PTCHD4: variants seen among roughly 807,000 people sequenced by gnomAD.
PTCHD4 encodes the protein patched domain-containing protein 4.
A neutral mutation model predicts 58.1 loss-of-function variants in PTCHD4; 33 were observed. The observed-to-expected ratio is 0.57, with a 90% CI of 0.43 to 0.76. PTCHD4 has a LOEUF of 0.76. Ranked by LOEUF, PTCHD4 falls within the 30% of genes least tolerant of loss-of-function variation. PTCHD4 has a pLI of 0.00. For synonymous variants in PTCHD4, 478 were observed against 409.6 expected, an observed-to-expected ratio of 1.17 and a Z score of -2.02; for missense variants, 1,058 against 1,027.1, an observed-to-expected ratio of 1.03 and a Z score of -0.41.
Position 47,878,258 on chromosome 6 carries a change from T to C in PTCHD4, c.*45A>G, listed in dbSNP as rs776922114. On this transcript the variant is annotated 3_prime_UTR_variant, in exon 5 of 5. Coordinates refer to ENST00000339488, the MANE Select transcript of PTCHD4 (RefSeq NM_001384253.1). ...TCTGAGCTTTACTTGCCCTGCATCA[T>C]TGTGCAATACTGGAAAAGAAAAATA... 1 of 1,503,498 alleles carries C rather than the reference T, an allele frequency of 6.7e-7. No individual in the cohort carries two copies. Among genetic ancestry groups the C allele is most frequent in the East Asian group, 2.3e-5 (1 of 44,234 alleles). The allele number at this position is 1,503,498 out of a possible 1,614,324, so 93.1% of individuals were successfully genotyped here.
chr6:48,108,725 AC>A (rs1765800310), intron 1 of PTCHD4, among the ~76,000 whole-genome samples: 1 of 152,044 alleles, frequency 6.6e-6, no homozygotes, highest in Non-Finnish European at 1.5e-5. Context: ...AATAGATTAA[AC>A]CTTTAATTAG....
rs1286293810 is a variant in PTCHD4 at position 48,068,429 on chromosome 6, G to A, written c.218C>T (p.Pro73Leu). 1.9e-5 allele frequency: 31 copies of A among 1,613,930 alleles called. No individual in the cohort carries two copies. The highest frequency in any genetic ancestry group is 2.6e-5 in the Non-Finnish European group (31 of 1,179,888). ...PEGDLERLVA[P>L]SHSLAKIERS... is the part of the protein sequence containing the mutation. The stretch of plus-strand genomic sequence containing the variant: ...CTCGATCTTGGCCAGGCTGTGGCTG[G>A]GAGCGACCAGGCGCTCCAGGTCGCC... The change falls in exon 3 of 5, where the codon CCC (proline) becomes CTC (leucine). Residue 73 changes from proline to leucine, a missense_variant. By Grantham distance (98) the Pro-to-Leu change is moderately conservative. Transcript: ENST00000339488. This position sits in a 1 kb window ranked among gnomAD's most constrained non-coding sequence, Gnocchi z 4.2.
At chr6:47,980,927 CTGTA>C (rs1466889058) in intron 4 of PTCHD4, among the ~76,000 whole-genome samples, 1 of 151,898 alleles carries the variant, frequency 6.6e-6, no homozygotes, top group Non-Finnish European at 1.5e-5. Flanking sequence ...GACTTTGTTT[CTGTA>C]TGTAAGTAGC....
intron 1 of PTCHD4, among the ~76,000 whole-genome samples, chr6:48,095,180 T>A (rs923089315): frequency 3.3e-5 from 5 of 152,212 alleles, no homozygotes; most frequent in Admixed American, 3.3e-4. Context: ...TTACTGCCAA[T>A]TATAAAGTAT....
chr6:48,026,513 C>T (rs773049678), intron 3 of PTCHD4, among the ~76,000 whole-genome samples: 2 of 152,092 alleles, frequency 1.3e-5, no homozygotes, highest in African/African-American at 2.4e-5. Context: ...CCTCTTACCA[C>T]CTTCTTCTAT....
intron 4 of PTCHD4, among the ~76,000 whole-genome samples, chr6:47,887,533 C>A (rs1764229904): frequency 6.6e-6 from 1 of 152,064 alleles, no homozygotes; most frequent in Non-Finnish European, 1.5e-5. Flanking sequence ...GTCAATTATA[C>A]CTAATTGGGA....
At chr6:48,090,557 C>T (rs1024112466) in intron 1 of PTCHD4, among the ~76,000 whole-genome samples, 5 of 152,120 alleles carry the variant, frequency 3.3e-5, no homozygotes, top group African/African-American at 1.2e-4. Flanking sequence ...ATTCCAAAGC[C>T]TATGATTTTT....
chr6:48,050,223 A>G (rs1325768432), intron 3 of PTCHD4, among the ~76,000 whole-genome samples: 1 of 151,998 alleles, frequency 6.6e-6, no homozygotes, highest in Non-Finnish European at 1.5e-5. Flanking sequence ...AAATTCGATC[A>G]ATTACATGAT....
intron 4 of PTCHD4, among the ~76,000 whole-genome samples, chr6:47,937,820 T>G (rs1280886621): frequency 6.6e-6 from 1 of 152,082 alleles, no homozygotes; most frequent in Non-Finnish European, 1.5e-5. Flanking sequence ...AGCAACTACA[T>G]TGGAATAAAA....
intron 3 of PTCHD4, among the ~76,000 whole-genome samples, chr6:48,013,607 T>C (rs568598605): frequency 1.3e-5 from 2 of 152,154 alleles, no homozygotes; most frequent in Admixed American, 1.3e-4. Context: ...TTCTGCTCTT[T>C]AAGTTGACAC....
At position 47,865,928 on chromosome 6, in the gene PTCHD4, T is replaced by C. The variant is rs1238428917; in HGVS notation, c.*12375A>G. Among the ~76,000 whole-genome samples, 1 of 151,900 alleles carries C rather than the reference T, an allele frequency of 6.6e-6. No individual in the cohort carries two copies. The highest frequency in any genetic ancestry group is 2.4e-5 in the African/African-American group (1 of 41,416). On this transcript the variant is annotated 3_prime_UTR_variant, in exon 5 of 5. Transcript: ENST00000339488. ...ACTGGAAATGTACCCTCAAGCTAAA[T>C]TGAGTTCGTTGACCCAGGAACATAT...
chr6:47,876,158 T>C lies in PTCHD4; in HGVS notation c.*2145A>G, dbSNP rs1763843047. Among the ~76,000 whole-genome samples the C allele has an allele frequency of 6.6e-6, 1 of 151,810 alleles. No homozygotes were observed. Among genetic ancestry groups the C allele is most frequent in the Non-Finnish European group, 1.5e-5 (1 of 67,882 alleles). ...CTACTTCAGATATGAGATCATGGTC[T>C]GGAGGCTACTCGTACCAAATACCAG... On this transcript the variant is annotated 3_prime_UTR_variant, in exon 5 of 5. Transcript: ENST00000339488.
chr6:47,995,579 A>G (rs1378124840), intron 4 of PTCHD4, among the ~76,000 whole-genome samples: 1 of 152,210 alleles, frequency 6.6e-6, no homozygotes, highest in Non-Finnish European at 1.5e-5. Context: ...TTGGTTTGCC[A>G]CTGTACCTTT....
chr6:47,931,001 T>G (rs1204246727), intron 4 of PTCHD4, among the ~76,000 whole-genome samples: 1 of 152,172 alleles, frequency 6.6e-6, no homozygotes, highest in Non-Finnish European at 1.5e-5. Context: ...GCTAAGCTGG[T>G]CTTGAACTCC....
intron 4 of PTCHD4, among the ~76,000 whole-genome samples, chr6:47,885,375 C>T (rs940425405): frequency 6.6e-6 from 1 of 152,064 alleles, no homozygotes; most frequent in Admixed American, 6.6e-5. Context: ...ATAAGGAAAA[C>T]CTACATGGCA....
chr6:47,967,749 C>T (rs1025437008), intron 4 of PTCHD4, among the ~76,000 whole-genome samples: 2 of 152,212 alleles, frequency 1.3e-5, no homozygotes, highest in Non-Finnish European at 2.9e-5. Flanking sequence ...TCTCCCTAAA[C>T]TTCATGAATC....
intron 4 of PTCHD4, chr6:47,890,940 G>A (rs1187111615): frequency 3.1e-6 from 3 of 968,384 alleles, no homozygotes; most frequent in Admixed American, 6.2e-5. Flanking sequence ...GTTCACTGTG[G>A]CTCACACCTG....
chr6:48,051,277 T>C (rs1228120819), intron 3 of PTCHD4, among the ~76,000 whole-genome samples: 1 of 152,022 alleles, frequency 6.6e-6, no homozygotes, highest in Non-Finnish European at 1.5e-5. Context: ...AATCAGGTAT[T>C]ACCCAAAACA....
At chr6:47,883,585 C>T (rs906350366) in intron 4 of PTCHD4, among the ~76,000 whole-genome samples, 1 of 152,060 alleles carries the variant, frequency 6.6e-6, no homozygotes, top group Non-Finnish European at 1.5e-5. Context: ...TATGAAATAA[C>T]TGTGTATAGT....
Sources: allele counts gnomAD v4.1 joint callset (sites outside exome capture counted in the v4.1 genomes callset), GRCh38; gene constraint gnomAD v4.1.1; non-coding constraint Gnocchi (gnomAD v3.1); transcripts MANE v1.5; gene names NCBI Gene and HGNC (gene_info 2026-07-23, HGNC 2026-07-21).